Variants in TENM3 observed in about 807,000 individuals in gnomAD.
The protein encoded by TENM3 is teneurin-3.
A neutral mutation model predicts 255.1 loss-of-function variants in TENM3; 63 were observed. That is an observed-to-expected ratio of 0.25 (90% CI 0.20 to 0.30). TENM3 has a LOEUF of 0.30. Among genes scored for constraint, TENM3 ranks in the 10% least tolerant of loss-of-function variants. The pLI is 1.00. For synonymous variants in TENM3, 1,306 were observed against 1,322.3 expected, an observed-to-expected ratio of 0.99 and a Z score of 0.27; for missense variants, 2,929 against 3,461.1, an observed-to-expected ratio of 0.85 and a Z score of 3.86.
chr4:181,562,806 C>G, the TENM3 span, among the ~76,000 whole-genome samples: 2 of 151,996 alleles, frequency 1.3e-5, no homozygotes, highest in East Asian at 3.9e-4. Context: ...TCCCAAGTAG[C>G]TGGGATTACA....
At position 182,366,824 on chromosome 4, in the gene TENM3, T is replaced by C. The variant is rs75329605; in HGVS notation, c.511+19895T>C. ...GGAAAAGCAGACTTAAAGAAGCTTA[T>C]GGAAGTTACATTTGATGTCAGAAGC... is the stretch of plus-strand genomic sequence containing the variant. On this transcript the variant is annotated intron_variant, in intron 3 of 27. Transcript: ENST00000511685. Among the ~76,000 whole-genome samples, 296 of 152,290 alleles carry C rather than the reference T, an allele frequency of 1.9e-3. 7 individuals carry two copies. In the East Asian group the frequency reaches 0.051, roughly 26 times the overall value.
At chr4:181,457,805 T>C in the TENM3 span, among the ~76,000 whole-genome samples, 196 of 152,018 alleles carry the variant, frequency 1.3e-3, no homozygotes, top group African/African-American at 4.4e-3. Flanking sequence ...CTGTTCAGAT[T>C]ATATAATCAG....
At chr4:182,176,538 T>C (rs1202132209) in intron 1 of TENM3, among the ~76,000 whole-genome samples, 1 of 152,240 alleles carries the variant, frequency 6.6e-6, no homozygotes, top group Non-Finnish European at 1.5e-5. Context: ...AAAATGAATA[T>C]TCTTTCAGAA....
At chr4:182,670,128 AT>A (rs927814488) in intron 6 of TENM3, among the ~76,000 whole-genome samples, 2 of 151,962 alleles carry the variant, frequency 1.3e-5, no homozygotes, top group African/African-American at 4.9e-5. Flanking sequence ...CATTATACAT[AT>A]TTTTTCTCTC....
intron 1 of TENM3, among the ~76,000 whole-genome samples, chr4:182,289,667 T>C (rs1760983053): frequency 6.6e-6 from 1 of 152,228 alleles, no homozygotes; most frequent in Admixed American, 6.5e-5. Context: ...AAGCAACTCC[T>C]TCACCTGCTG....
At chr4:182,700,705 T>A (rs1464009437) in intron 12 of TENM3, among the ~76,000 whole-genome samples, 3 of 152,242 alleles carry the variant, frequency 2.0e-5, no homozygotes, top group African/African-American at 7.2e-5. Context: ...CTTTGCCAGC[T>A]GCTTTTCCAT....
At chr4:182,168,042 G>A (rs188820161) in intron 1 of TENM3, among the ~76,000 whole-genome samples, 47 of 152,272 alleles carry the variant, frequency 3.1e-4, no homozygotes, top group African/African-American at 1.1e-3. Flanking sequence ...CTCGATTAGA[G>A]CTAGGTGAGT....
chr4:182,324,277 A>G, intron 2 of TENM3, 25 bp downstream of exon 2: 2 of 1,531,018 alleles, frequency 1.3e-6, no homozygotes, highest in South Asian at 1.1e-5. Context: ...TAGTAAAATA[A>G]GGCAATGCTC....
chr4:181,744,000 A>G, the TENM3 span, among the ~76,000 whole-genome samples: 7 of 151,812 alleles, frequency 4.6e-5, no homozygotes, highest in African/African-American at 1.7e-4. Flanking sequence ...ACAGGCCCCA[A>G]TGTCTGTTGT....
chr4:182,555,026 C>T (rs976435042), intron 3 of TENM3, among the ~76,000 whole-genome samples: 1 of 152,076 alleles, frequency 6.6e-6, no homozygotes, highest in African/African-American at 2.4e-5. Context: ...TAGTAATATT[C>T]CTTGTCTTCC....
chr4:181,561,798 T>C, the TENM3 span, among the ~76,000 whole-genome samples: 1 of 152,210 alleles, frequency 6.6e-6, no homozygotes, highest in Non-Finnish European at 1.5e-5. Flanking sequence ...CCTTAAAATA[T>C]TTTCCTAAAA....
At chr4:182,223,145 G>A (rs1387280925) in intron 1 of TENM3, among the ~76,000 whole-genome samples, 1 of 152,154 alleles carries the variant, frequency 6.6e-6, no homozygotes, top group African/African-American at 2.4e-5. Flanking sequence ...AAATGAGGTG[G>A]AAAGAATATA....
the TENM3 span, among the ~76,000 whole-genome samples, chr4:181,471,783 A>C: frequency 6.6e-6 from 1 of 152,338 alleles, no homozygotes; most frequent in African/African-American, 2.4e-5. Context: ...TACCAAGAAA[A>C]GAGCATAACA....
At chr4:182,101,297 AGG>A in the TENM3 span, among the ~76,000 whole-genome samples, 1 of 122,382 alleles carries the variant, frequency 8.2e-6, no homozygotes, top group African/African-American at 2.9e-5. Context: ...GGAGGAAGGA[AGG>A]AGGGAGGGAA....
At chr4:181,783,796 A>C in the TENM3 span, among the ~76,000 whole-genome samples, 4 of 152,122 alleles carry the variant, frequency 2.6e-5, no homozygotes, top group Non-Finnish European at 5.9e-5. Flanking sequence ...TCCTGAGCTC[A>C]AGTGATGCCC....
At chr4:181,677,329 TA>T in the TENM3 span, among the ~76,000 whole-genome samples, 3 of 152,134 alleles carry the variant, frequency 2.0e-5, no homozygotes, top group Non-Finnish European at 4.4e-5. Flanking sequence ...AACCAAACTT[TA>T]GAGTTCGTTG....
the TENM3 span, among the ~76,000 whole-genome samples, chr4:181,630,589 G>A: frequency 5.2e-3 from 788 of 152,144 alleles, 5 homozygotes; most frequent in African/African-American, 0.018. Flanking sequence ...CCTTCATTTC[G>A]TTATGTACCC....
the TENM3 span, among the ~76,000 whole-genome samples, chr4:181,695,077 G>A: frequency 2.0e-5 from 3 of 152,106 alleles, no homozygotes; most frequent in African/African-American, 7.2e-5. Flanking sequence ...TGATAAAATG[G>A]TGGTTTCTTA....
chr4:181,811,402 C>G, the TENM3 span, among the ~76,000 whole-genome samples: 1 of 152,206 alleles, frequency 6.6e-6, no homozygotes, highest in Admixed American at 6.5e-5. Context: ...CTTTCCAACA[C>G]TGGTTCCAAC....
Sources: gnomAD v4.1 joint callset for allele counts (sites outside exome capture counted in the v4.1 genomes callset) on GRCh38, gnomAD v4.1.1 for gene constraint, MANE v1.5 for transcripts, NCBI Gene and HGNC (gene_info 2026-07-23, HGNC 2026-07-21) for gene names.